ACER1: variants seen among roughly 807,000 people sequenced by gnomAD.
The protein encoded by ACER1 is CTB-180A7.3.
In ACER1, 28 loss-of-function variants were observed where a neutral mutation model predicts 24.9. The ratio of observed to expected loss-of-function variants is 1.13; its 90% CI spans 0.83 to 1.54. ACER1 has a LOEUF of 1.54. Ranked by LOEUF, ACER1 falls within the 40% of genes most tolerant of loss-of-function variation. The probability of loss-of-function intolerance (pLI) is 0.00; values close to 1 mark genes in which losing one functional copy is unlikely to be tolerated. For synonymous variants in ACER1, 132 were observed against 131.4 expected, an observed-to-expected ratio of 1.00 and a Z score of -0.03; for missense variants, 352 against 349.3, an observed-to-expected ratio of 1.01 and a Z score of -0.06.
intron 1 of ACER1, among the ~76,000 whole-genome samples, chr19:6,324,860 A>AAAGGAAGGGAGGGAGGGAGG (rs1310221145): frequency 1.1e-4 from 11 of 100,288 alleles, no homozygotes; most frequent in African/African-American, 4.2e-4. Flanking sequence ...AGAGAGAGAG[A>AAAGGAAGGGAGGGAGGGAGG]AAGGAAGGAA....
rs2091699444 is a variant in ACER1 at position 6,333,498 on chromosome 19, G to C, written c.54C>G (p.Asn18Lys). The change falls in exon 1 of 6, where the codon AAC becomes AAG. Residue 18 changes from asparagine (N) to lysine (K), a missense_variant. By Grantham distance (94) the Asn-to-Lys change is moderately conservative (BLOSUM62 0). Transcript: ENST00000301452. ...QSSEVDWCES[N>K]FQYSELVAEF... ...CGGCCACCAGCTCCGAGTACTGGAA[G>C]TTGCTCTCACACCAGTCCACCTCGG... is the stretch of plus-strand genomic sequence containing the variant. The C allele has an allele frequency of 1.9e-6, 3 of 1,594,148 alleles. No homozygotes were observed. Among genetic ancestry groups the C allele is most frequent in the Admixed American group, 3.5e-5 (2 of 57,278 alleles).
Position 6,317,443 on chromosome 19 carries a change from C to T in ACER1, c.94-4944G>A, listed in dbSNP as rs191302243. Among the ~76,000 whole-genome samples the T allele has an allele frequency of 4.3e-4, 66 of 152,328 alleles. No individual in the cohort carries two copies. In the East Asian group the frequency reaches 6.6e-3, roughly 15 times the overall value. On this transcript the variant is annotated intron_variant, in intron 1 of 5. Coordinates refer to ENST00000301452, the MANE Select transcript of ACER1 (RefSeq NM_133492.3). ...ACAGATGGGACAGGGGCCATGCCAA[C>T]GCCTCCATGCGCCTCTTCTCAGCCC...
chr19:6,355,409 G>A, the ACER1 span, among the ~76,000 whole-genome samples: 19 of 144,698 alleles, frequency 1.3e-4, no homozygotes, highest in East Asian at 6.2e-4. Context: ...ACCCCATCTG[G>A]GAGGTGAGGA....
intron 5 of ACER1, 53 bp downstream of exon 5, chr19:6,307,100 C>T (rs912741247): frequency 2.4e-5 from 39 of 1,604,774 alleles, no homozygotes; most frequent in Admixed American, 3.4e-5. Flanking sequence ...CGAGCTTTGG[C>T]ATCTAAGATT....
chr19:6,329,486 A>G (rs938661127), intron 1 of ACER1, among the ~76,000 whole-genome samples: 9 of 152,160 alleles, frequency 5.9e-5, no homozygotes, highest in African/African-American at 2.2e-4. Flanking sequence ...ACACATCTGG[A>G]AAGGCAGGTA....
At chr19:6,356,206 T>C in the ACER1 span, among the ~76,000 whole-genome samples, 1 of 150,186 alleles carries the variant, frequency 6.7e-6, no homozygotes, top group Non-Finnish European at 1.5e-5. Flanking sequence ...ATGTGCTGTG[T>C]CCACTCAGGG....
chr19:6,313,653 A>T (rs1481867619), intron 1 of ACER1, among the ~76,000 whole-genome samples: 2 of 152,206 alleles, frequency 1.3e-5, no homozygotes, highest in Non-Finnish European at 2.9e-5. Context: ...AAATGTGGCC[A>T]TGGATGTCAT....
At chr19:6,335,141 T>C (rs1483560561), upstream of ACER1, among the ~76,000 whole-genome samples, 1 of 145,554 alleles carries the variant, frequency 6.9e-6, no homozygotes, top group Non-Finnish European at 1.5e-5. Context: ...ATTAATATAA[T>C]TTAATATAAT....
the ACER1 span, among the ~76,000 whole-genome samples, chr19:6,351,491 G>T: frequency 6.6e-6 from 1 of 151,962 alleles, no homozygotes; most frequent in Non-Finnish European, 1.5e-5. Flanking sequence ...AGCACTTTGA[G>T]AGGCTGAGGC....
the ACER1 span, among the ~76,000 whole-genome samples, chr19:6,352,181 T>C: frequency 6.6e-6 from 1 of 152,156 alleles, no homozygotes; most frequent in African/African-American, 2.4e-5. Flanking sequence ...CTTTCCATCC[T>C]GTTATGCCCC....
At chr19:6,316,103 G>A (rs1257455724) in intron 1 of ACER1, among the ~76,000 whole-genome samples, 1 of 152,114 alleles carries the variant, frequency 6.6e-6, no homozygotes, top group Non-Finnish European at 1.5e-5. Flanking sequence ...ACTCCAGCCT[G>A]GGTGAGAGAA....
Position 6,330,489 on chromosome 19 carries a change from T to G in ACER1, c.93+2970A>C, listed in dbSNP as rs984200086. Among the ~76,000 whole-genome samples, 3 of 150,188 alleles carry G rather than the reference T, an allele frequency of 2.0e-5. No homozygotes were observed. The East Asian group carries it at 5.8e-4, about 29-fold the overall frequency. On this transcript the variant is annotated intron_variant, in intron 1 of 5. Transcript: ENST00000301452. The stretch of plus-strand genomic sequence containing the variant: ...CAGCCCACAGCTAGTTTTTAAATTT[T>G]GTGTAGGGACTGGGTCTTGCTATGT...
At chr19:6,316,538 G>A (rs537100354) in intron 1 of ACER1, among the ~76,000 whole-genome samples, 3 of 152,058 alleles carry the variant, frequency 2.0e-5, no homozygotes, top group African/African-American at 2.4e-5. Flanking sequence ...ATCAAATATC[G>A]GGCCGGGCGC....
Position 6,309,809 on chromosome 19 carries a change from T to G in ACER1, c.376A>C (p.Ile126Leu), listed in dbSNP as rs1446586315. 6.2e-7 allele frequency: 1 copy of G among 1,614,010 alleles called. No individual in the cohort carries two copies. The highest frequency in any genetic ancestry group is 1.3e-5 in the African/African-American group (1 of 75,002). ...NRSQFIRLVF[I>L]TTVVSTLLSF... ...AGAAGGGTGCTGACCACAGTGGTGA[T>G]GAAGACCAGGCGGATGAACTGGGAC... Residue 126 changes from isoleucine to leucine, a missense_variant, in exon 4 of 6, where the codon ATC becomes CTC. By Grantham distance (5) the Ile-to-Leu change is conservative. Coordinates refer to ENST00000301452, the MANE Select transcript of ACER1 (RefSeq NM_133492.3).
the ACER1 span, among the ~76,000 whole-genome samples, chr19:6,355,662 G>C: frequency 6.8e-6 from 1 of 147,530 alleles, no homozygotes; most frequent in African/African-American, 2.6e-5. Context: ...CCCCGTCCGG[G>C]AGGTGAGGGG....
chr19:6,333,902 C>T (rs1402085653), upstream of ACER1, among the ~76,000 whole-genome samples: 1 of 152,088 alleles, frequency 6.6e-6, no homozygotes, highest in Non-Finnish European at 1.5e-5. Flanking sequence ...TTATTAGAGT[C>T]AGGGCCTTGC....
At chr19:6,317,719 G>C (rs11880001) in intron 1 of ACER1, among the ~76,000 whole-genome samples, 2 of 151,854 alleles carry the variant, frequency 1.3e-5, no homozygotes, top group African/African-American at 4.8e-5. Context: ...AACTTTTTTT[G>C]TTGTTGTTTT....
chr19:6,323,345 T>TG (rs2091641728), intron 1 of ACER1, among the ~76,000 whole-genome samples: 1 of 145,824 alleles, frequency 6.9e-6, no homozygotes, highest in Non-Finnish European at 1.5e-5. Context: ...GTGTGAACCC[T>TG]AGGGGGCAGA....
At chr19:6,330,092 C>T (rs903945437) in intron 1 of ACER1, among the ~76,000 whole-genome samples, 2 of 151,338 alleles carry the variant, frequency 1.3e-5, no homozygotes, top group African/African-American at 2.4e-5. Flanking sequence ...AGGATGGTCT[C>T]GATTTCTTGA....
Sources: allele counts gnomAD v4.1 joint callset (sites outside exome capture counted in the v4.1 genomes callset), GRCh38; gene constraint gnomAD v4.1.1; transcripts MANE v1.5; gene names NCBI Gene and HGNC (gene_info 2026-07-23, HGNC 2026-07-21).